PCDHA9: variants seen among roughly 807,000 people sequenced by gnomAD.
The protein encoded by PCDHA9 is protocadherin alpha 9.
A neutral mutation model predicts 62.0 loss-of-function variants in PCDHA9; 62 were observed. The ratio of observed to expected loss-of-function variants is 1.00; its 90% CI spans 0.81 to 1.23. The LOEUF (loss-of-function observed/expected upper bound fraction) is 1.23, where lower values mean the gene tolerates loss of function less well. Among genes scored for constraint, PCDHA9 ranks in the 50% most tolerant of loss-of-function variants. The probability of loss-of-function intolerance (pLI) is 0.00; values close to 1 mark genes in which losing one functional copy is unlikely to be tolerated. For synonymous variants in PCDHA9, 557 were observed against 567.6 expected (o/e 0.98, Z 0.27); for missense variants, 1,205 against 1,249.8 (o/e 0.96, Z 0.54).
chr5:140,968,262 A>G, intron 1 of PCDHA9: 5 of 1,614,054 alleles, frequency 3.1e-6, no homozygotes, highest in Non-Finnish European at 4.2e-6. Flanking sequence ...CCAGATGAAA[A>G]GGAGAATGCA....
chr5:141,009,562 C>G lies in PCDHA9; in HGVS notation c.2543-65C>G, dbSNP rs1469033090. On this transcript the variant is annotated intron_variant, in intron 3 of 3. Transcript: ENST00000532602. ...GCCTATGCAGTACTCCTGTACTCTA[C>G]CAGCAGTGTGGCATCAAGAGCATGT... The G allele has an allele frequency of 2.5e-6, 4 of 1,571,226 alleles. No individual in the cohort carries two copies. In the African/African-American group the frequency reaches 5.4e-5, roughly 21 times the overall value.
chr5:140,982,648 G>T, intron 3 of PCDHA9, 85 bp downstream of exon 3: 5 of 1,508,154 alleles, frequency 3.3e-6, no homozygotes, highest in Non-Finnish European at 4.4e-6. Flanking sequence ...GAATGTTGAT[G>T]GCTCTTTTTC....
chr5:140,907,298 A>G (rs138771358), intron 1 of PCDHA9, among the ~76,000 whole-genome samples: 4 of 152,162 alleles, frequency 2.6e-5, no homozygotes, highest in Non-Finnish European at 4.4e-5. Flanking sequence ...CTGCTTCAGG[A>G]TGATGGGGAA....
In PCDHA9 at chr5:140,982,550, C is replaced by T. The variant is rs1554244485; in HGVS notation, c.2529C>T (p.Ser843=). ...CTGATCAGCAGTGGCCAACAGTATC[C>T]AGTGCAACACCAGGTAAAGAGCTGG... The part of the protein sequence containing the change: ...GGPDQQWPTV[S]SATPEPEAGE... The change falls in exon 3 of 4, where the codon TCC becomes TCT. Residue 843 remains serine, a synonymous_variant. Transcript: ENST00000532602. The T allele has an allele frequency of 6.2e-7, 1 of 1,614,176 alleles. No homozygotes were observed. The highest frequency in any genetic ancestry group is 1.7e-5 in the Admixed American group (1 of 60,028).
intron 3 of PCDHA9, among the ~76,000 whole-genome samples, chr5:140,995,181 T>G (rs1443897354): frequency 6.6e-6 from 1 of 152,186 alleles, no homozygotes; most frequent in Non-Finnish European, 1.5e-5. Context: ...GGTGCACCTA[T>G]GATAAAGTTT....
At chr5:140,942,351 G>A (rs893015832) in intron 1 of PCDHA9, among the ~76,000 whole-genome samples, 1 of 152,024 alleles carries the variant, frequency 6.6e-6, no homozygotes, top group Admixed American at 6.6e-5. Flanking sequence ...GGCGGAGGTT[G>A]CAGTTAACGG....
At chr5:140,862,968 G>C in intron 1 of PCDHA9, 1 of 544,810 alleles carries the variant, frequency 1.8e-6, no homozygotes, top group Non-Finnish European at 3.6e-6. Context: ...GTGGATGCAG[G>C]CCACTTGGTG....
At chr5:140,913,003 T>C (rs1049022016) in intron 1 of PCDHA9, among the ~76,000 whole-genome samples, 29 of 152,204 alleles carry the variant, frequency 1.9e-4, no homozygotes, top group African/African-American at 7.0e-4. Flanking sequence ...TAGTATTTTG[T>C]TGAGGATTTT....
At chr5:140,869,617 C>T (rs782525218) in intron 1 of PCDHA9, 3 of 1,613,828 alleles carry the variant, frequency 1.9e-6, no homozygotes, top group Non-Finnish European at 2.5e-6. Context: ...GACCTACAGG[C>T]TAAGTAAAAA....
chr5:140,850,669 C>T lies in PCDHA9; in HGVS notation c.2174C>T (p.Ala725Val), dbSNP rs2150493050. 128 of 1,598,504 alleles carry T rather than the reference C, an allele frequency of 8.0e-5. 13 individuals are homozygous for T. The highest frequency in any genetic ancestry group is 3.3e-4 in the Middle Eastern group (2 of 5,998). The stretch of plus-strand genomic sequence containing the variant: ...CTGTACACTGTGCTGCGGTGCTCGG[C>T]GATGCCCACCGAGGGCGAGTGCGCG... ...LLLYTVLRCS[A>V]MPTEGECAPG... is the part of the protein sequence containing the mutation. Residue 725 changes from alanine to valine, a missense_variant, in exon 1 of 4, where the codon GCG (alanine) becomes GTG (valine). By Grantham distance (64) the Ala-to-Val change is moderately conservative. Transcript: ENST00000532602.
intron 1 of PCDHA9, among the ~76,000 whole-genome samples, chr5:140,952,848 T>A (rs10476804): frequency 0.013 from 2,044 of 152,238 alleles, 38 homozygotes; most frequent in African/African-American, 0.047. Context: ...CTGCTTGTCT[T>A]CTGGGGAGGC....
At position 140,923,025 on chromosome 5, in the gene PCDHA9, C is replaced by G. The variant is rs547252764; in HGVS notation, c.2395-55924C>G. ...GGTTGTTGGACTGCAGTTTCGGACTCTATTACTACATGTATAGTATTTAGA... is the reference window on the plus strand; with the variant it reads ...GGTTGTTGGACTGCAGTTTCGGACTGTATTACTACATGTATAGTATTTAGA... On this transcript the variant is annotated intron_variant, in intron 1 of 3. Coordinates refer to ENST00000532602, the MANE Select transcript of PCDHA9 (RefSeq NM_031857.2). 2.6e-5 allele frequency among the ~76,000 whole-genome samples: 4 copies of G among 152,296 alleles called. No homozygotes were observed. The East Asian group carries it at 7.7e-4, about 29-fold the overall frequency.
Position 140,971,633 on chromosome 5 carries a change from T to A in PCDHA9, c.2395-7316T>A, listed in dbSNP as rs540754440. 2.0e-5 allele frequency among the ~76,000 whole-genome samples: 3 copies of A among 152,294 alleles called. No individual in the cohort carries two copies. The South Asian group carries it at 6.2e-4, about 32-fold the overall frequency. On this transcript the variant is annotated intron_variant, in intron 1 of 3. Transcript: ENST00000532602. ...GAGTCCTGGGGTACAATTAGTACCA[T>A]GTGCCTACATTAAAAGTAGATGGGA...
intron 1 of PCDHA9, among the ~76,000 whole-genome samples, chr5:140,940,510 G>A (rs1477590604): frequency 4.0e-5 from 6 of 151,894 alleles, no homozygotes; most frequent in African/African-American, 9.7e-5. Context: ...TCGCTCAGGC[G>A]TGATCATAGC....
intron 1 of PCDHA9, chr5:140,853,297 G>A: frequency 2.0e-6 from 2 of 981,768 alleles, no homozygotes; most frequent in African/African-American, 3.5e-5. Context: ...TCTCAGAAGG[G>A]CTGTGAACAC....
At position 140,850,702 on chromosome 5, in the gene PCDHA9, A is replaced by AAG; in HGVS notation, c.2207_2208insAG (p.Pro737GlyfsTer77). ...ACCGAGGGCGAGTGCGCGCCTGGCA[A>AAG]GCCGACGCTGGTGTGTTCTAGCGCG... is the stretch of plus-strand genomic sequence containing the variant. On this transcript the variant is annotated frameshift_variant, in exon 1 of 4. Transcript: ENST00000532602. LOFTEE classifies it high-confidence loss of function. 1 of 1,598,166 alleles carries AAG rather than the reference A, an allele frequency of 6.3e-7. No individual in the cohort carries two copies. The highest frequency in any genetic ancestry group is 8.6e-7 in the Non-Finnish European group (1 of 1,167,738).
rs529382424 is a variant in PCDHA9 at position 140,924,810 on chromosome 5, G to A, written c.2395-54139G>A. 4.8e-4 allele frequency among the ~76,000 whole-genome samples: 73 copies of A among 151,660 alleles called. No homozygotes were observed. The South Asian group carries it at 9.2e-3, about 19-fold the overall frequency. ...CTTAGGAGGCTGAGGCAAGAGAATC[G>A]CTTGAACCTGGGAGGGGGAGGTTGC... On this transcript the variant is annotated intron_variant, in intron 1 of 3. Transcript: ENST00000532602.
chr5:140,869,332 G>T (rs1554162910), intron 1 of PCDHA9: 1 of 1,613,960 alleles, frequency 6.2e-7, no homozygotes, highest in South Asian at 1.1e-5. Context: ...CCTTCTGGAG[G>T]TAAATCTGCA....
At chr5:140,950,112 A>G (rs1263517017) in intron 1 of PCDHA9, among the ~76,000 whole-genome samples, 3 of 151,944 alleles carry the variant, frequency 2.0e-5, no homozygotes, top group Non-Finnish European at 4.4e-5. Context: ...ATCTCATACA[A>G]TACAAAACCC....
Sources: gnomAD v4.1 joint callset for allele counts (sites outside exome capture counted in the v4.1 genomes callset) on GRCh38, gnomAD v4.1.1 for gene constraint, MANE v1.5 for transcripts, NCBI Gene and HGNC (gene_info 2026-07-23, HGNC 2026-07-21) for gene names.